The following PHF21A variants were observed in gnomAD, a reference collection of about 807,000 sequenced individuals.
PHF21A encodes the protein PHD finger protein 21A.
In PHF21A, 11 loss-of-function variants were observed where a neutral mutation model predicts 82.5. That is an observed-to-expected ratio of 0.13 (90% CI 0.08 to 0.22). The LOEUF is 0.22. Among genes scored for constraint, PHF21A ranks in the 10% least tolerant of loss-of-function variants. The pLI, the probability that PHF21A is intolerant of heterozygous loss-of-function variation, is 1.00. For synonymous variants in PHF21A, 297 were observed against 302.8 expected, an observed-to-expected ratio of 0.98 and a Z score of 0.20; for missense variants, 579 against 837.8, an observed-to-expected ratio of 0.69 and a Z score of 3.81.
At chr11:46,050,801 G>C (rs1053469858) in intron 6 of PHF21A, among the ~76,000 whole-genome samples, 1 of 152,274 alleles carries the variant, frequency 6.6e-6, no homozygotes, top group East Asian at 1.9e-4. Flanking sequence ...GGCATTGTTC[G>C]AGACAAAGGA....
chr11:46,091,959 A>G (rs2096930112), intron 2 of PHF21A, among the ~76,000 whole-genome samples: 3 of 152,208 alleles, frequency 2.0e-5, no homozygotes, highest in Admixed American at 1.3e-4. Flanking sequence ...CAGGTTATCG[A>G]ACGGTGGAAC....
At chr11:45,958,144 T>TA (rs1411859516) in intron 10 of PHF21A, among the ~76,000 whole-genome samples, 1 of 151,566 alleles carries the variant, frequency 6.6e-6, no homozygotes, top group African/African-American at 2.4e-5. Flanking sequence ...AAAGAAAAAG[T>TA]ACAGGATCAG....
rs1370371959 is a variant in PHF21A at position 45,933,417 on chromosome 11, T to A, written c.*551A>T. On this transcript the variant is annotated 3_prime_UTR_variant, in exon 19 of 19. Transcript: ENST00000676320. ...TTTGATACACTGTCCCACCCCCTGCTCCCTCCAGCCACTCCCCTTCCCTCT... is the reference window on the plus strand; with the variant it reads ...TTTGATACACTGTCCCACCCCCTGCACCCTCCAGCCACTCCCCTTCCCTCT... 6.5e-6 allele frequency: 1 copy of A among 152,708 alleles called. No homozygotes were observed. The highest frequency in any genetic ancestry group is 1.5e-5 in the Non-Finnish European group (1 of 68,126). The allele number at this position is 152,708 out of a possible 1,614,324, so 9.5% of individuals were successfully genotyped here.
intron 6 of PHF21A, among the ~76,000 whole-genome samples, chr11:46,008,608 T>C (rs939446474): frequency 4.6e-5 from 7 of 152,152 alleles, no homozygotes; most frequent in African/African-American, 1.7e-4. Flanking sequence ...CAAGATATGG[T>C]GGAAATGTGA....
intron 1 of PHF21A, chr11:46,119,764 C>T (rs1473837465): frequency 6.7e-6 from 1 of 149,644 alleles, no homozygotes; most frequent in African/African-American, 2.5e-5. Context: ...AAAAAGAAAT[C>T]CTAACAGCAC....
chr11:45,945,942 T>G lies in PHF21A; in HGVS notation c.1350A>C (p.Gln450His). The G allele has an allele frequency of 6.2e-7, 1 of 1,613,320 alleles. No individual in the cohort carries two copies. The highest frequency in any genetic ancestry group is 8.5e-7 in the Non-Finnish European group (1 of 1,179,606). The change falls in exon 15 of 19, where the codon CAA becomes CAC. Residue 450 changes from glutamine (Q) to histidine (H), a missense_variant. Gln to His is a conservative substitution (Grantham distance 24, BLOSUM62 0). Transcript: ENST00000676320. ...GFGALTPTSPQSSHPDSPENE... is the reference protein window; with the variant it reads ...GFGALTPTSPHSSHPDSPENE... ...TTTCAGGGGAGTCAGGATGACTGGA[T>G]TGGGGGGATGTTGGGGTAAGGGCTC...
intron 6 of PHF21A, among the ~76,000 whole-genome samples, chr11:46,036,808 A>G (rs1292473714): frequency 2.6e-5 from 4 of 152,182 alleles, no homozygotes; most frequent in Non-Finnish European, 5.9e-5. Context: ...TTCTCTAGGT[A>G]GATAATCAGG....
At chr11:45,950,490 C>T (rs2091955920) in intron 11 of PHF21A, among the ~76,000 whole-genome samples, 1 of 150,934 alleles carries the variant, frequency 6.6e-6, no homozygotes, top group Non-Finnish European at 1.5e-5. Context: ...TCGAGCCACA[C>T]ATAAAATACA....
At chr11:46,033,323 G>T (rs1469788218) in intron 6 of PHF21A, among the ~76,000 whole-genome samples, 1 of 152,132 alleles carries the variant, frequency 6.6e-6, no homozygotes, top group African/African-American at 2.4e-5. Flanking sequence ...GGAGTGCAGT[G>T]GTGCAATCAT....
chr11:46,090,823 C>A (rs1253097498), intron 2 of PHF21A, among the ~76,000 whole-genome samples: 1 of 151,946 alleles, frequency 6.6e-6, no homozygotes, highest in East Asian at 1.9e-4. Context: ...AGGCCCTTAA[C>A]CCATTTATAC....
At chr11:46,074,833 T>C (rs1410245040) in intron 6 of PHF21A, among the ~76,000 whole-genome samples, 1 of 152,216 alleles carries the variant, frequency 6.6e-6, no homozygotes, top group African/African-American at 2.4e-5. Flanking sequence ...AAGAGTAATA[T>C]CACATGTTGA....
intron 3 of PHF21A, among the ~76,000 whole-genome samples, chr11:46,087,634 T>C (rs117798677): frequency 1.2e-3 from 188 of 152,318 alleles, no homozygotes; most frequent in Non-Finnish European, 2.4e-3. Flanking sequence ...CAGACATGTA[T>C]TTATAGTTTA....
intron 6 of PHF21A, among the ~76,000 whole-genome samples, chr11:45,992,973 T>G (rs547525519): frequency 1.3e-5 from 2 of 152,260 alleles, no homozygotes; most frequent in South Asian, 4.1e-4. Context: ...AGCTGTAGAG[T>G]AGAGGTCAGA....
chr11:46,065,344 C>A (rs2096581790), intron 6 of PHF21A, among the ~76,000 whole-genome samples: 1 of 152,150 alleles, frequency 6.6e-6, no homozygotes, highest in East Asian at 1.9e-4. Flanking sequence ...AAGAAATGGT[C>A]CTTTTTTGCC....
At chr11:45,974,229 A>C (rs1003233564) in intron 7 of PHF21A, among the ~76,000 whole-genome samples, 1 of 152,122 alleles carries the variant, frequency 6.6e-6, no homozygotes, top group Non-Finnish European at 1.5e-5. Flanking sequence ...ACCAAGACCC[A>C]GGTAGTGCTT....
intron 17 of PHF21A, among the ~76,000 whole-genome samples, chr11:45,936,230 A>G (rs1590901389): frequency 6.6e-6 from 1 of 152,190 alleles, no homozygotes; most frequent in East Asian, 1.9e-4. Flanking sequence ...GTGGGCTGTG[A>G]TCATGCCACA....
chr11:45,998,517 T>C (rs1274283227), intron 6 of PHF21A, among the ~76,000 whole-genome samples: 1 of 152,084 alleles, frequency 6.6e-6, no homozygotes, highest in East Asian at 1.9e-4. Context: ...CATTTCTTTT[T>C]CTTTTTTTTT....
intron 6 of PHF21A, among the ~76,000 whole-genome samples, chr11:45,994,812 C>A (rs1246991426): frequency 1.3e-5 from 2 of 152,234 alleles, no homozygotes; most frequent in Non-Finnish European, 2.9e-5. Context: ...TTGCAATATT[C>A]ACTGGCAACG....
chr11:46,100,395 C>T (rs2097078315), intron 1 of PHF21A, among the ~76,000 whole-genome samples: 1 of 152,070 alleles, frequency 6.6e-6, no homozygotes, highest in Non-Finnish European at 1.5e-5. Context: ...TTGCTATTTC[C>T]ATGGAAACCA....
Sources: gnomAD v4.1 joint callset for allele counts (sites outside exome capture counted in the v4.1 genomes callset) on GRCh38, gnomAD v4.1.1 for gene constraint, MANE v1.5 for transcripts, NCBI Gene and HGNC (gene_info 2026-07-23, HGNC 2026-07-21) for gene names.